PPM1B: variants seen among roughly 807,000 people sequenced by gnomAD.
PPM1B encodes protein phosphatase 1B.
A neutral mutation model predicts 43.0 loss-of-function variants in PPM1B; 22 were observed. The ratio of observed to expected loss-of-function variants is 0.51; its 90% CI spans 0.37 to 0.73. PPM1B has a LOEUF of 0.73. Ranked by LOEUF, PPM1B falls within the 30% of genes least tolerant of loss-of-function variation. PPM1B has a pLI of 0.00. For missense variants in PPM1B, 632 were observed against 584.2 expected (o/e 1.08, Z -0.84); for synonymous variants, 217 against 197.9 (o/e 1.10, Z -0.81).
chr2:44,243,078 A>G (rs77542194), intron 5 of PPM1B, among the ~76,000 whole-genome samples: 4,512 of 152,254 alleles, frequency 0.03, 228 homozygotes, highest in African/African-American at 0.1. Flanking sequence ...AAATCACATC[A>G]TGCAACTTCT....
At chr2:44,197,355 G>A (rs1159336645) in intron 1 of PPM1B, among the ~76,000 whole-genome samples, 3 of 152,174 alleles carry the variant, frequency 2.0e-5, no homozygotes, top group Non-Finnish European at 4.4e-5. Flanking sequence ...CTGGGCCCAA[G>A]TGATTCTCCT....
At chr2:44,236,422 A>AAAAAAAAAAAAAAAAAAAAAC (rs1670615297), downstream of PPM1B, among the ~76,000 whole-genome samples, 1 of 142,850 alleles carries the variant, frequency 7.0e-6, no homozygotes, top group Non-Finnish European at 1.6e-5. Context: ...AAAAAAAAAA[A>AAAAAAAAAAAAAAAAAAAAAC]AAAAAGTTGT....
intron 5 of PPM1B, among the ~76,000 whole-genome samples, chr2:44,219,938 C>T (rs1054109037): frequency 2.7e-5 from 4 of 147,778 alleles, no homozygotes; most frequent in East Asian, 3.9e-4. Flanking sequence ...AGCGAAACTC[C>T]GTCTCAAAAA....
At chr2:44,234,691 C>T (rs766327649), downstream of PPM1B, 18 of 809,954 alleles carry the variant, frequency 2.2e-5, no homozygotes, top group Middle Eastern at 1.2e-3. Context: ...TGAGGACCCA[C>T]TTATACTCTT....
At chr2:44,246,693 G>A (rs900523669), downstream of PPM1B, among the ~76,000 whole-genome samples, 4 of 152,246 alleles carry the variant, frequency 2.6e-5, no homozygotes, top group South Asian at 2.1e-4. Context: ...CAGCTTAAGC[G>A]GAGGCTTCAC....
At chr2:44,238,449 C>T (rs766467418), downstream of PPM1B, among the ~76,000 whole-genome samples, 2 of 152,078 alleles carry the variant, frequency 1.3e-5, no homozygotes, top group Non-Finnish European at 2.9e-5. Context: ...CGCCTGTAAT[C>T]CCAGCAGTTT....
chr2:44,208,025 A>G (rs1024376241), intron 2 of PPM1B, among the ~76,000 whole-genome samples: 5 of 150,446 alleles, frequency 3.3e-5, no homozygotes, highest in Non-Finnish European at 7.4e-5. Context: ...AGTAGCTGGT[A>G]TTACAGGTGC....
chr2:44,189,802 T>C (rs1452654878), intron 1 of PPM1B, among the ~76,000 whole-genome samples: 2 of 152,208 alleles, frequency 1.3e-5, no homozygotes, highest in Non-Finnish European at 2.9e-5. Context: ...ATCTGCTTTA[T>C]GGCTTCCAAA....
At chr2:44,226,854 A>G (rs956919209) in intron 5 of PPM1B, among the ~76,000 whole-genome samples, 6 of 149,522 alleles carry the variant, frequency 4.0e-5, no homozygotes, top group Admixed American at 3.4e-4. Flanking sequence ...TTAAAGACTG[A>G]CAAGGTTTAT....
chr2:44,224,501 T>C (rs982026736), intron 5 of PPM1B, among the ~76,000 whole-genome samples: 2 of 151,792 alleles, frequency 1.3e-5, no homozygotes, highest in Admixed American at 6.6e-5. Context: ...GAGCTGTGTT[T>C]CAAAAGATAA....
intron 5 of PPM1B, chr2:44,230,099 A>C: frequency 6.7e-7 from 1 of 1,503,534 alleles, no homozygotes; most frequent in Non-Finnish European, 8.8e-7. Context: ...AATATTGTTT[A>C]AGTAAGTCAG....
At chr2:44,190,198 C>G (rs1668343511) in intron 1 of PPM1B, among the ~76,000 whole-genome samples, 1 of 148,014 alleles carries the variant, frequency 6.8e-6, no homozygotes, top group African/African-American at 2.5e-5. Context: ...CCCTGTTGCC[C>G]AGGCTGGAGT....
intron 1 of PPM1B, among the ~76,000 whole-genome samples, chr2:44,170,105 A>AT (rs1412427695): frequency 1.4e-4 from 22 of 152,202 alleles, no homozygotes; most frequent in African/African-American, 4.8e-4. Context: ...TTATTTCTTC[A>AT]TTTTTTAAAC....
At position 44,240,686 on chromosome 2, in the gene PPM1B, C is replaced by T. The variant is rs959691821; in HGVS notation, n.1547-3542C>T. Among the ~76,000 whole-genome samples the T allele has an allele frequency of 4.8e-5, 7 of 146,010 alleles. 1 individual carries two copies. The highest frequency in any genetic ancestry group is 7.6e-5 in the Non-Finnish European group (5 of 65,392). ...GTGAATTCCTGGGCCTTTGAAAAGA[C>T]AATTTTCCTGATTTAAGGCAGATGT... On this transcript the variant is annotated intron_variant and non_coding_transcript_variant, in intron 5 of 5. Coordinates refer to the PPM1B transcript ENST00000378540.
chr2:44,233,968 A>G (rs1670540244), downstream of PPM1B: 2 of 985,332 alleles, frequency 2.0e-6, no homozygotes, highest in African/African-American at 3.5e-5. Context: ...CCAACCCTGT[A>G]CTGATAGTAC....
At chr2:44,171,394 C>T (rs1385847353) in intron 1 of PPM1B, among the ~76,000 whole-genome samples, 2 of 152,166 alleles carry the variant, frequency 1.3e-5, no homozygotes, top group Non-Finnish European at 2.9e-5. Context: ...AAAAGTGGCT[C>T]TTGTTGAAAG....
chr2:44,176,072 C>A (rs10199541), intron 1 of PPM1B, among the ~76,000 whole-genome samples: 4 of 151,842 alleles, frequency 2.6e-5, no homozygotes, highest in Admixed American at 6.6e-5. Flanking sequence ...GCGTGAGTCA[C>A]CATGCCCTGC....
chr2:44,180,755 C>T (rs555737078), intron 1 of PPM1B, among the ~76,000 whole-genome samples: 223 of 151,822 alleles, frequency 1.5e-3, no homozygotes, highest in Middle Eastern at 3.4e-3. Flanking sequence ...GGACTACAGG[C>T]GTGGGGCACC....
At chr2:44,179,547 C>G (rs6726680) in intron 1 of PPM1B, among the ~76,000 whole-genome samples, 119,913 of 152,034 alleles carry the variant, frequency 0.79, 47,407 homozygotes, top group South Asian at 0.9. Flanking sequence ...CTTTAATTTT[C>G]CATCTTCCTA....
Sources: gnomAD v4.1 joint callset for allele counts (sites outside exome capture counted in the v4.1 genomes callset) on GRCh38, gnomAD v4.1.1 for gene constraint, MANE v1.5 for transcripts, NCBI Gene and HGNC (gene_info 2026-07-23, HGNC 2026-07-21) for gene names.